Variants in TIMMDC1 observed in about 807,000 individuals in gnomAD.
TIMMDC1 encodes translocase of inner mitochondrial membrane domain containing 1.
TIMMDC1 carries 25 observed loss-of-function variants against 32.6 expected under a neutral mutation model. That is an observed-to-expected ratio of 0.77 (90% CI 0.56 to 1.07). TIMMDC1 has a LOEUF of 1.07. Among genes scored for constraint, TIMMDC1 ranks in the 50% least tolerant of loss-of-function variants. The probability of loss-of-function intolerance (pLI) is 0.00; values close to 1 mark genes in which losing one functional copy is unlikely to be tolerated. For synonymous variants in TIMMDC1, 130 were observed against 127.6 expected (o/e 1.02, Z -0.13); for missense variants, 329 against 349.2 (o/e 0.94, Z 0.46).
intron 2 of TIMMDC1, among the ~76,000 whole-genome samples, chr3:119,503,084 T>C (rs1207938188): frequency 1.3e-5 from 2 of 152,222 alleles, no homozygotes; most frequent in African/African-American, 4.8e-5. Context: ...GATTTATAAT[T>C]CATTACAGGT....
intron 1 of TIMMDC1, among the ~76,000 whole-genome samples, chr3:119,499,128 C>T: frequency 7.2e-6 from 1 of 138,272 alleles, no homozygotes; most frequent in Non-Finnish European, 1.5e-5. Flanking sequence ...GGGTCTTGCT[C>T]TGTCGCCCAG....
intron 6 of TIMMDC1, among the ~76,000 whole-genome samples, chr3:119,520,510 C>T (rs147837275): frequency 6.6e-6 from 1 of 151,966 alleles, no homozygotes; most frequent in South Asian, 2.1e-4. Context: ...TTCCTGAGCC[C>T]CTATAATCTA....
chr3:119,523,443 A>G (rs1560051268), intron 6 of TIMMDC1, among the ~76,000 whole-genome samples, 163 bp from the exon 7 acceptor site: 1 of 152,184 alleles, frequency 6.6e-6, no homozygotes. Context: ...AGGTTAGGAG[A>G]GAGAAGAAAG....
rs910273278 is a variant in TIMMDC1 at position 119,504,072 on chromosome 3, A to G, written c.517+51A>G. ...CAGTCTTCTCAAATACAGTTTAGAA[A>G]ATGTGTAAGGACTTATACATCAGAA... On this transcript the variant is annotated intron_variant, in intron 4 of 6. Transcript: ENST00000494664. The G allele has an allele frequency of 2.0e-5, 28 of 1,399,344 alleles. 3 individuals carry two copies. The Admixed American group carries it at 3.6e-4, about 18-fold the overall frequency. 86.7% of individuals were successfully genotyped at this position (1,399,344 alleles called of 1,614,324 possible).
intron 6 of TIMMDC1, among the ~76,000 whole-genome samples, chr3:119,518,553 CAA>C (rs112915406): frequency 8.9e-5 from 10 of 112,030 alleles, no homozygotes; most frequent in African/African-American, 2.3e-4. Flanking sequence ...TACTTCATCT[CAA>C]AAAAAAAAAA....
chr3:119,499,415 T>G (rs958160380), intron 1 of TIMMDC1, among the ~76,000 whole-genome samples: 1 of 135,664 alleles, frequency 7.4e-6, no homozygotes, highest in Non-Finnish European at 1.6e-5. Flanking sequence ...CGTATTTTTC[T>G]TTCTTTTTTT....
intron 1 of TIMMDC1, 121 bp from the exon 2 acceptor site, chr3:119,500,574 A>C: frequency 1.2e-6 from 1 of 854,336 alleles, no homozygotes; most frequent in Non-Finnish European, 1.8e-6. Context: ...TCATCTGAGA[A>C]TTCTACCTAT....
At chr3:119,499,012 C>T (rs1356008252) in intron 1 of TIMMDC1, 85 bp downstream of exon 1, 3 of 1,119,502 alleles carry the variant, frequency 2.7e-6, no homozygotes, top group Non-Finnish European at 3.9e-6. Flanking sequence ...AGCCTTAGGA[C>T]ACCAAGGATG....
Position 119,498,832 on chromosome 3 carries a change from A to C in TIMMDC1, c.99A>C (p.Glu33Asp). Residue 33 changes from glutamate (E) to aspartate (D), a missense_variant, in exon 1 of 7, where the codon GAA becomes GAC. Coordinates refer to ENST00000494664, the MANE Select transcript of TIMMDC1 (RefSeq NM_016589.4). ...FAAEAVTADSEVLEERQKRLP... is the reference protein window; with the variant it reads ...FAAEAVTADSDVLEERQKRLP... ...CCGAAGCTGTGACTGCCGATTCGGAAGTCCTTGAGGAGCGTCAGAAGCGGC... is the reference window on the plus strand; with the variant it reads ...CCGAAGCTGTGACTGCCGATTCGGACGTCCTTGAGGAGCGTCAGAAGCGGC... 6.2e-7 allele frequency: 1 copy of C among 1,614,200 alleles called. No individual in the cohort carries two copies. The highest frequency in any genetic ancestry group is 8.5e-7 in the Non-Finnish European group (1 of 1,180,020).
In TIMMDC1 at chr3:119,498,595, G is replaced by GT; in HGVS notation, c.-138dup. On this transcript the variant is annotated 5_prime_UTR_variant, in exon 1 of 7. Transcript: ENST00000494664. ...GCGAGGCCGGGGACTGAAGGTGTGG[G>GT]TGTCGAGCCCTCTGGCAGAGGGTTA... 1 of 762,716 alleles carries GT rather than the reference G, an allele frequency of 1.3e-6. No homozygotes were observed. The highest frequency in any genetic ancestry group is 2.2e-6 in the Non-Finnish European group (1 of 464,972). The allele number at this position is 762,716 out of a possible 1,614,324, so 47.2% of individuals were successfully genotyped here.
rs1232597722 is a variant in TIMMDC1 at position 119,517,290 on chromosome 3, C to T, written c.682C>T (p.Leu228Phe). Residue 228 changes from leucine (L) to phenylalanine (F), a missense_variant, in exon 6 of 7, where the codon CTC (leucine) becomes TTC (phenylalanine). Physicochemically the swap from Leu to Phe is conservative, Grantham distance 22. Coordinates refer to ENST00000494664, the MANE Select transcript of TIMMDC1 (RefSeq NM_016589.4). Reference protein sequence around the residue: ...QERKQKDRKALHELKLEEWKG... With the variant: ...QERKQKDRKAFHELKLEEWKG... ...AAGAAAACAGAAGGATCGAAAGGCACTCCATGAGCTAAAACTGGAAGAGTG... is the reference window on the plus strand; with the variant it reads ...AAGAAAACAGAAGGATCGAAAGGCATTCCATGAGCTAAAACTGGAAGAGTG... The T allele has an allele frequency of 2.5e-6, 4 of 1,612,918 alleles. No homozygotes were observed. The highest frequency in any genetic ancestry group is 3.4e-6 in the Non-Finnish European group (4 of 1,178,970).
At position 119,498,769 on chromosome 3, in the gene TIMMDC1, C is replaced by T. The variant is rs2081843659; in HGVS notation, c.36C>T (p.Leu12=). The part of the protein sequence containing the change: ...EVPPPAPRSF[L]CRALCLFPRV... Reference sequence around the variant, plus strand: ...CGCCACCGGCACCGCGGAGCTTTCTCTGTAGAGCATTGTGCCTATTTCCCC... The same window carrying T: ...CGCCACCGGCACCGCGGAGCTTTCTTTGTAGAGCATTGTGCCTATTTCCCC... Residue 12 remains leucine, a synonymous_variant, in exon 1 of 7, where the codon CTC becomes CTT. Coordinates refer to ENST00000494664, the MANE Select transcript of TIMMDC1 (RefSeq NM_016589.4). 6.2e-7 allele frequency: 1 copy of T among 1,614,254 alleles called. No homozygotes were observed. The highest frequency in any genetic ancestry group is 8.5e-7 in the Non-Finnish European group (1 of 1,180,044).
At chr3:119,509,571 T>A (rs1470341794) in intron 4 of TIMMDC1, among the ~76,000 whole-genome samples, 1 of 152,150 alleles carries the variant, frequency 6.6e-6, no homozygotes, top group Non-Finnish European at 1.5e-5. Context: ...CATTAGTGGA[T>A]TGAGGTGAGA....
At chr3:119,504,084 C>A in intron 4 of TIMMDC1, 63 bp downstream of exon 4, 1 of 1,255,814 alleles carries the variant, frequency 8.0e-7, no homozygotes, top group Non-Finnish European at 1.2e-6. Flanking sequence ...TGTGTAAGGA[C>A]TTATACATCA....
intron 1 of TIMMDC1, among the ~76,000 whole-genome samples, chr3:119,499,320 G>T (rs1321505868): frequency 7.3e-5 from 11 of 151,420 alleles, no homozygotes; most frequent in Admixed American, 7.2e-4. Flanking sequence ...GGCTGGTCTT[G>T]AACTCTTGGA....
At chr3:119,515,208 CAAAAA>C (rs35275676) in intron 5 of TIMMDC1, among the ~76,000 whole-genome samples, 7 of 126,302 alleles carry the variant, frequency 5.5e-5, no homozygotes, top group Non-Finnish European at 3.4e-5. Flanking sequence ...GACTCCATCT[CAAAAA>C]AAAAAAAAAA....
intron 1 of TIMMDC1, 56 bp from the exon 2 acceptor site, chr3:119,500,639 T>G (rs574143166): frequency 6.6e-7 from 1 of 1,514,940 alleles, no homozygotes; most frequent in Non-Finnish European, 9.0e-7. Flanking sequence ...TAGAGTCTCT[T>G]GGAGAGCAAT....
chr3:119,504,470 CGT>C (rs2081903090), intron 4 of TIMMDC1, among the ~76,000 whole-genome samples: 1 of 152,032 alleles, frequency 6.6e-6, no homozygotes, highest in African/African-American at 2.4e-5. Flanking sequence ...AGGATAATAA[CGT>C]GGTGAGTGAG....
At chr3:119,516,765 C>T (rs1415881181) in intron 5 of TIMMDC1, among the ~76,000 whole-genome samples, 1 of 152,166 alleles carries the variant, frequency 6.6e-6, no homozygotes, top group African/African-American at 2.4e-5. Flanking sequence ...AGTAGCATCC[C>T]TCCCTCAACC....
Sources: gnomAD v4.1 joint callset for allele counts (sites outside exome capture counted in the v4.1 genomes callset) on GRCh38, gnomAD v4.1.1 for gene constraint, MANE v1.5 for transcripts, NCBI Gene and HGNC (gene_info 2026-07-23, HGNC 2026-07-21) for gene names.